Variants in SCARB2 observed in about 807,000 individuals in gnomAD.
SCARB2 encodes lysosome membrane protein 2.
In SCARB2, 29 loss-of-function variants were observed where a neutral mutation model predicts 58.6. The observed-to-expected ratio is 0.49, with a 90% CI of 0.37 to 0.67. The LOEUF is 0.67. Among genes scored for constraint, SCARB2 ranks in the 30% least tolerant of loss-of-function variants. The pLI, the probability that SCARB2 is intolerant of heterozygous loss-of-function variation, is 0.00. For missense variants in SCARB2, 488 were observed against 578.5 expected, an observed-to-expected ratio of 0.84 and a Z score of 1.60; for synonymous variants, 195 against 210.1, an observed-to-expected ratio of 0.93 and a Z score of 0.62.
At chr4:76,173,073 A>G (rs1480915528) in intron 7 of SCARB2, 1 of 152,178 alleles carries the variant, frequency 6.6e-6, no homozygotes, top group Non-Finnish European at 1.5e-5. Flanking sequence ...AATGTCTACT[A>G]TCTAGTAAGT....
intron 1 of SCARB2, among the ~76,000 whole-genome samples, chr4:76,200,579 G>T (rs1220384474): frequency 2.0e-5 from 3 of 152,220 alleles, no homozygotes; most frequent in South Asian, 4.1e-4. Flanking sequence ...TCTGTAAGAA[G>T]AAATTTAGCT....
intron 1 of SCARB2, among the ~76,000 whole-genome samples, chr4:76,225,730 A>G (rs1255736649): frequency 1.3e-5 from 2 of 152,236 alleles, no homozygotes; most frequent in Non-Finnish European, 2.9e-5. Flanking sequence ...TATCCCTGGT[A>G]TGAAACTCAC....
intron 1 of SCARB2, among the ~76,000 whole-genome samples, chr4:76,208,740 A>G (rs1157246456): frequency 6.6e-6 from 1 of 152,068 alleles, no homozygotes; most frequent in East Asian, 1.9e-4. Context: ...TTACAGAAAC[A>G]AAAAAAAGAA....
chr4:76,228,141 T>C (rs1355692624), intron 1 of SCARB2, among the ~76,000 whole-genome samples: 2 of 152,052 alleles, frequency 1.3e-5, no homozygotes, highest in Non-Finnish European at 2.9e-5. Flanking sequence ...ATTTATGCTC[T>C]AAGGAGGTTC....
chr4:76,164,854 T>C (rs1308735158), intron 10 of SCARB2: 1 of 152,020 alleles, frequency 6.6e-6, no homozygotes, highest in African/African-American at 2.4e-5. Context: ...TGGATTGGGT[T>C]CTAAGACATT....
intron 8 of SCARB2, 119 bp from the exon 9 acceptor site, chr4:76,168,595 C>T: frequency 1.2e-6 from 1 of 806,648 alleles, no homozygotes; most frequent in Non-Finnish European, 2.1e-6. Flanking sequence ...CCATGTGTGA[C>T]AGGCAGAGTG....
intron 2 of SCARB2, among the ~76,000 whole-genome samples, chr4:76,182,615 T>C (rs904598842): frequency 2.0e-5 from 3 of 152,186 alleles, no homozygotes; most frequent in Admixed American, 6.5e-5. Flanking sequence ...TTCCCAACCA[T>C]AGCAGCACAG....
chr4:76,197,988 C>A (rs545674111), intron 1 of SCARB2, among the ~76,000 whole-genome samples: 6 of 152,094 alleles, frequency 3.9e-5, no homozygotes, highest in Admixed American at 3.9e-4. Context: ...ACAAAGAGAA[C>A]TCACTTCATC....
At chr4:76,202,808 T>C (rs1357741349) in intron 1 of SCARB2, among the ~76,000 whole-genome samples, 3 of 152,192 alleles carry the variant, frequency 2.0e-5, no homozygotes, top group African/African-American at 7.2e-5. Context: ...TAAACGATTA[T>C]CCTTGTTATT....
At chr4:76,225,714 C>A (rs1481531404) in intron 1 of SCARB2, among the ~76,000 whole-genome samples, 1 of 152,184 alleles carries the variant, frequency 6.6e-6, no homozygotes, top group Non-Finnish European at 1.5e-5. Flanking sequence ...AGTTAAACCA[C>A]CCCTGTATCC....
At chr4:76,214,069 C>G, upstream of SCARB2, 6 of 348,788 alleles carry the variant, frequency 1.7e-5, no homozygotes, top group South Asian at 1.2e-4. Context: ...CCAGCGCTCG[C>G]CCCACCGAAA....
At chr4:76,205,339 A>C (rs1038316240) in intron 1 of SCARB2, among the ~76,000 whole-genome samples, 2 of 146,598 alleles carry the variant, frequency 1.4e-5, no homozygotes, top group Non-Finnish European at 3.0e-5. Flanking sequence ...ACAAAAACAA[A>C]AACAAAAACA....
chr4:76,192,954 G>C (rs886823863), intron 2 of SCARB2: 2 of 152,250 alleles, frequency 1.3e-5, no homozygotes, highest in African/African-American at 4.8e-5. Context: ...CAAGTGCTGA[G>C]AGTCAAGACA....
chr4:76,201,471 G>A (rs561239838), intron 1 of SCARB2, among the ~76,000 whole-genome samples: 4 of 152,260 alleles, frequency 2.6e-5, no homozygotes, highest in South Asian at 2.1e-4. Flanking sequence ...AGATGATACC[G>A]CAGCGTAGAG....
chr4:76,193,562 C>A (rs941017211), intron 2 of SCARB2: 1 of 152,250 alleles, frequency 6.6e-6, no homozygotes, highest in African/African-American at 2.4e-5. Context: ...GGATGTGAGA[C>A]ACGGAGTCAA....
At chr4:76,233,986 T>C (rs75868917) in intron 1 of SCARB2, among the ~76,000 whole-genome samples, 8,460 of 152,320 alleles carry the variant, frequency 0.056, 260 homozygotes, top group Middle Eastern at 0.088. Context: ...CCTCTTATTC[T>C]TATTCAAGTG....
intron 4 of SCARB2, among the ~76,000 whole-genome samples, chr4:76,178,423 G>A (rs1732306498): frequency 6.6e-6 from 1 of 152,190 alleles, no homozygotes; most frequent in Admixed American, 6.5e-5. Context: ...AACAAAAAAA[G>A]TGAGTTATAT....
At chr4:76,204,262 G>T (rs1381742149) in intron 1 of SCARB2, among the ~76,000 whole-genome samples, 2 of 152,172 alleles carry the variant, frequency 1.3e-5, no homozygotes, top group Admixed American at 1.3e-4. Context: ...GAAAGAAACT[G>T]CCATTAACAT....
At chr4:76,213,401 C>A in intron 1 of SCARB2, 26 bp downstream of exon 1, 1 of 1,451,728 alleles carries the variant, frequency 6.9e-7, no homozygotes, top group Non-Finnish European at 9.6e-7. Flanking sequence ...GACTCCACAA[C>A]ACACACACAG....
Sources: allele counts gnomAD v4.1 joint callset (sites outside exome capture counted in the v4.1 genomes callset), GRCh38; gene constraint gnomAD v4.1.1; transcripts MANE v1.5; gene names NCBI Gene and HGNC (gene_info 2026-07-23, HGNC 2026-07-21).